FGFR1OP2: variants seen among roughly 807,000 people sequenced by gnomAD.
FGFR1OP2 encodes fibroblast growth factor receptor 1 oncogene partner 2.
Under a neutral mutation model 35.2 loss-of-function variants are expected in FGFR1OP2, and 17 were observed. The ratio of observed to expected loss-of-function variants is 0.48; its 90% CI spans 0.33 to 0.73. The LOEUF is 0.73. FGFR1OP2 is among the 30% of genes least tolerant of loss of function. FGFR1OP2 has a pLI of 0.02. For missense variants in FGFR1OP2, 251 were observed against 307.3 expected (o/e 0.82, Z 1.37); for synonymous variants, 105 against 104.6 (o/e 1.00, Z -0.03).
At chr12:26,953,439 A>G (rs1005503463) in intron 1 of FGFR1OP2, 5 of 152,130 alleles carry the variant, frequency 3.3e-5, no homozygotes, top group African/African-American at 1.2e-4. Context: ...GTTTTGTCTC[A>G]TATTTCTTTC....
intron 5 of FGFR1OP2, chr12:26,961,841 T>C (rs531998289): frequency 1.9e-4 from 29 of 152,362 alleles, no homozygotes; most frequent in African/African-American, 6.7e-4. Context: ...TTCAAAGTTT[T>C]TACTCATTAC....
At chr12:26,956,481 T>C (rs750110610) in intron 2 of FGFR1OP2, 62 bp from the exon 3 acceptor site, 24 of 99,208 alleles carry the variant, frequency 2.4e-4, no homozygotes, top group Non-Finnish European at 3.4e-4. Context: ...TTATATATCA[T>C]ATATATATAT....
chr12:26,950,516 G>T (rs146970669), intron 1 of FGFR1OP2, among the ~76,000 whole-genome samples: 2 of 151,982 alleles, frequency 1.3e-5, no homozygotes, highest in Non-Finnish European at 2.9e-5. Context: ...GTGAGCCACC[G>T]CACCTGCCCT....
chr12:26,939,118 C>T (rs1425636371), intron 1 of FGFR1OP2, among the ~76,000 whole-genome samples: 5 of 152,156 alleles, frequency 3.3e-5, no homozygotes, highest in Non-Finnish European at 7.4e-5. Flanking sequence ...TGGTTCTCTT[C>T]CTGCCTTTCT....
intron 2 of FGFR1OP2, among the ~76,000 whole-genome samples, chr12:26,956,157 T>C (rs553359405): frequency 1.3e-5 from 2 of 152,260 alleles, no homozygotes; most frequent in East Asian, 3.9e-4. Context: ...TTACATTCCA[T>C]CAACAATGTA....
At position 26,965,900 on chromosome 12, in the gene FGFR1OP2, T is replaced by A. The variant is rs774468087; in HGVS notation, c.*1167T>A. The A allele has an allele frequency of 5.3e-5, 8 of 152,022 alleles. No homozygotes were observed. The highest frequency in any genetic ancestry group is 1.2e-4 in the Non-Finnish European group (8 of 67,968). The allele number at this position is 152,022 out of a possible 1,614,324, so 9.4% of individuals were successfully genotyped here. ...CTTTAACATCAGTTGAAACCTAAAT[T>A]TTCTTATGTTGTGGTGATTGTATTA... On this transcript the variant is annotated 3_prime_UTR_variant, in exon 7 of 7. Transcript: ENST00000229395.
chr12:26,963,681 A>T (rs917508386), intron 6 of FGFR1OP2, among the ~76,000 whole-genome samples: 2 of 152,142 alleles, frequency 1.3e-5, no homozygotes, highest in Non-Finnish European at 2.9e-5. Context: ...TTGATGTTTC[A>T]TTCTATATTG....
chr12:26,953,116 GA>G (rs1332239363), intron 1 of FGFR1OP2, among the ~76,000 whole-genome samples: 10 of 151,688 alleles, frequency 6.6e-5, no homozygotes, highest in African/African-American at 2.4e-4. Flanking sequence ...ACAAAAAAAT[GA>G]GCCAGGCGTG....
At chr12:26,941,988 A>C (rs974558917) in intron 1 of FGFR1OP2, among the ~76,000 whole-genome samples, 2 of 152,152 alleles carry the variant, frequency 1.3e-5, no homozygotes, top group African/African-American at 2.4e-5. Context: ...TTTTGGTACT[A>C]GTTTGGCTCT....
At chr12:26,942,036 T>C (rs183441636) in intron 1 of FGFR1OP2, among the ~76,000 whole-genome samples, 18 of 151,976 alleles carry the variant, frequency 1.2e-4, no homozygotes, top group Non-Finnish European at 1.9e-4. Flanking sequence ...GCTTTGTTGG[T>C]TTGTTTGTTT....
intron 1 of FGFR1OP2, among the ~76,000 whole-genome samples, chr12:26,946,109 G>A (rs999064010): frequency 2.0e-5 from 3 of 152,128 alleles, no homozygotes; most frequent in Admixed American, 6.6e-5. Context: ...AGAAAGGAAT[G>A]TTTAATTTTT....
At chr12:26,950,223 T>TTTTTTTTTTTTTTG (rs1938902728) in intron 1 of FGFR1OP2, among the ~76,000 whole-genome samples, 1 of 110,592 alleles carries the variant, frequency 9.0e-6, no homozygotes, top group Non-Finnish European at 1.8e-5. Flanking sequence ...GTTTTTTTTT[T>TTTTTTTTTTTTTTG]TTTTTTTTTT....
intron 5 of FGFR1OP2, chr12:26,963,059 A>T (rs1939125773): frequency 4.3e-6 from 1 of 233,218 alleles, no homozygotes; most frequent in African/African-American, 2.3e-5. Flanking sequence ...AAAAAGAAAA[A>T]GTTGCTGATC....
At chr12:26,947,678 G>A (rs759960706) in intron 1 of FGFR1OP2, among the ~76,000 whole-genome samples, 5 of 151,968 alleles carry the variant, frequency 3.3e-5, no homozygotes, top group East Asian at 1.9e-4. Context: ...CACTATGCCC[G>A]GCCTGTCCTT....
rs1342012741 is a variant in FGFR1OP2, at chr12:26,965,692, A to G, written c.*959A>G. On this transcript the variant is annotated 3_prime_UTR_variant, in exon 7 of 7. Transcript: ENST00000229395. Reference sequence around the variant, plus strand: ...AAAAAAGTAAATACAATTTCAAAAAAAAAGTTCCGGATCTGTTTTTAAGCT... The same window carrying G: ...AAAAAAGTAAATACAATTTCAAAAAGAAAGTTCCGGATCTGTTTTTAAGCT... The G allele has an allele frequency of 6.6e-6, 1 of 152,034 alleles. No individual in the cohort carries two copies. Among genetic ancestry groups the G allele is most frequent in the African/African-American group, 2.4e-5 (1 of 41,364 alleles). 9.4% of individuals were successfully genotyped at this position (152,034 alleles called of 1,614,324 possible). A position where few individuals can be genotyped will look rare whatever the true frequency, so the allele number is the denominator to read the frequency against.
At chr12:26,958,369 CAG>C (rs771036102) in intron 4 of FGFR1OP2, among the ~76,000 whole-genome samples, 18 of 152,146 alleles carry the variant, frequency 1.2e-4, no homozygotes, top group Non-Finnish European at 2.2e-4. Context: ...TCTTAAAAAA[CAG>C]AAATTTTTTT....
Position 26,965,620 on chromosome 12 carries a change from C to CCT in FGFR1OP2, c.*887_*888insCT, listed in dbSNP as rs1939164386. On this transcript the variant is annotated 3_prime_UTR_variant, in exon 7 of 7. Coordinates refer to ENST00000229395, the MANE Select transcript of FGFR1OP2 (RefSeq NM_015633.3). ...AAGTGAATTGGGAATTCCTCTGGCT[C>CCT]ATAGAACCCTTTTTTTTTTCCTTTA... 1.4e-5 allele frequency: 2 copies of CCT among 148,092 alleles called. No individual in the cohort carries two copies. Among genetic ancestry groups the CCT allele is most frequent in the South Asian group, 4.2e-4 (2 of 4,710 alleles). The allele number at this position is 148,092 out of a possible 1,614,324, so 9.2% of individuals were successfully genotyped here.
intron 1 of FGFR1OP2, among the ~76,000 whole-genome samples, chr12:26,948,717 A>G (rs1046917948): frequency 3.3e-5 from 5 of 152,240 alleles, no homozygotes; most frequent in African/African-American, 7.2e-5. Context: ...ATCGAAATGT[A>G]TAAGTTTCAA....
intron 1 of FGFR1OP2, among the ~76,000 whole-genome samples, chr12:26,953,165 G>A (rs188547237): frequency 6.6e-6 from 1 of 151,006 alleles, no homozygotes; most frequent in African/African-American, 2.4e-5. Flanking sequence ...TCGGGAGGCT[G>A]AGGCAGGAAA....
Sources: allele counts gnomAD v4.1 joint callset (sites outside exome capture counted in the v4.1 genomes callset), GRCh38; gene constraint gnomAD v4.1.1; transcripts MANE v1.5; gene names NCBI Gene and HGNC (gene_info 2026-07-23, HGNC 2026-07-21).